Variants in PGM3 observed in about 807,000 individuals in gnomAD.
PGM3 encodes the protein phosphoacetylglucosamine mutase.
PGM3 carries 40 observed loss-of-function variants against 66.2 expected under a neutral mutation model. That is an observed-to-expected ratio of 0.60 (90% CI 0.47 to 0.79). The LOEUF (loss-of-function observed/expected upper bound fraction) is 0.79. PGM3 is among the 30% of genes least tolerant of loss of function. PGM3 has a pLI of 0.00. For synonymous variants in PGM3, 191 were observed against 224.2 expected (o/e 0.85, Z 1.32); for missense variants, 537 against 643.4 (o/e 0.83, Z 1.79).
intron 3 of PGM3, among the ~76,000 whole-genome samples, chr6:83,187,312 A>G (rs896429578): frequency 1.2e-4 from 18 of 152,228 alleles, no homozygotes; most frequent in African/African-American, 4.3e-4. Context: ...TAAAATAGAT[A>G]TAAAGGACAC....
chr6:83,171,345 A>G (rs1787070837), intron 11 of PGM3: 1 of 152,166 alleles, frequency 6.6e-6, no homozygotes, highest in Non-Finnish European at 1.5e-5. Flanking sequence ...AAATCTCTTT[A>G]AAAAAGTGAT....
intron 2 of PGM3, 148 bp from the exon 3 acceptor site, chr6:83,188,946 GATTAGGTA>G: frequency 1.7e-6 from 1 of 596,454 alleles, no homozygotes. Flanking sequence ...CTGGACCCTG[GATTAGGTA>G]TTTTATGTAT....
chr6:83,163,352 A>G (rs481325), downstream of PGM3, among the ~76,000 whole-genome samples: 52,599 of 151,968 alleles, frequency 0.35, 10,571 homozygotes, highest in African/African-American at 0.56. Flanking sequence ...TGAAAAAAAT[A>G]CAGTACAAAA....
At position 83,168,017 on chromosome 6, in the gene PGM3, A is replaced by G; in HGVS notation, c.*1217T>C. The G allele has an allele frequency of 6.2e-7, 1 of 1,614,166 alleles. No individual in the cohort carries two copies. ...ACAGCAAAGTCACAAGCCGATGTGG[A>G]GGACACTCAGGGAGTCCTATCCTCT... On this transcript the variant is annotated 3_prime_UTR_variant, in exon 13 of 13. Coordinates refer to ENST00000513973, the MANE Select transcript of PGM3 (RefSeq NM_015599.3).
At chr6:83,192,135 GC>G (rs1180625809) in intron 1 of PGM3, among the ~76,000 whole-genome samples, 43 of 151,454 alleles carry the variant, frequency 2.8e-4, no homozygotes, top group African/African-American at 1.0e-3. Flanking sequence ...GCGTGGTGGT[GC>G]GCGCCTGTAG....
intron 12 of PGM3, 49 bp downstream of exon 12, chr6:83,170,256 C>G (rs374101514): frequency 4.3e-5 from 67 of 1,543,418 alleles, no homozygotes; most frequent in Non-Finnish European, 5.7e-5. Flanking sequence ...AGTTTGCCTG[C>G]CCATCACCTA....
At chr6:83,172,085 A>G in intron 10 of PGM3, 26 bp from the exon 11 acceptor site, 1 of 1,612,488 alleles carries the variant, frequency 6.2e-7, no homozygotes, top group Non-Finnish European at 8.5e-7. Context: ...CAAATGGAAG[A>G]AACCACTTAA....
chr6:83,159,447 T>A (rs922727369), downstream of PGM3, among the ~76,000 whole-genome samples: 1 of 151,804 alleles, frequency 6.6e-6, no homozygotes. Flanking sequence ...CTAGTGTTTT[T>A]TTTTTTTGTC....
chr6:83,183,178 T>G (rs1788322901), intron 4 of PGM3, among the ~76,000 whole-genome samples, 200 bp from the exon 5 acceptor site: 1 of 152,078 alleles, frequency 6.6e-6, no homozygotes, highest in African/African-American at 2.4e-5. Flanking sequence ...TATAAACAGG[T>G]AACAATGTAA....
chr6:83,168,975 G>C lies in PGM3; in HGVS notation c.*259C>G. The C allele has an allele frequency of 8.1e-7, 1 of 1,234,514 alleles. No individual in the cohort carries two copies. The highest frequency in any genetic ancestry group is 3.6e-5 in the East Asian group (1 of 27,826). 76.5% of individuals were successfully genotyped at this position (1,234,514 alleles called of 1,614,324 possible). A position where few individuals can be genotyped will look rare whatever the true frequency, so the allele number is the denominator to read the frequency against. ...TTCCCCACATAAAACTGTACAGTTA[G>C]TGACTGAATTGTATACTTAAGTCCC... On this transcript the variant is annotated 3_prime_UTR_variant, in exon 13 of 13. Transcript: ENST00000513973.
chr6:83,162,773 CATT>C, downstream of PGM3: 1 of 1,596,704 alleles, frequency 6.3e-7, no homozygotes, highest in Non-Finnish European at 8.5e-7. Context: ...ATGCTGATGT[CATT>C]ATTCTATACA....
chr6:83,184,833 C>T (rs1333554499), intron 4 of PGM3, among the ~76,000 whole-genome samples: 2 of 152,126 alleles, frequency 1.3e-5, no homozygotes, highest in East Asian at 3.9e-4. Flanking sequence ...TCAATGGAGT[C>T]CCATTGCATC....
chr6:83,185,810 T>C (rs1788540568), intron 4 of PGM3, among the ~76,000 whole-genome samples: 1 of 151,854 alleles, frequency 6.6e-6, no homozygotes, highest in African/African-American at 2.4e-5. Flanking sequence ...TGAAAAAAGG[T>C]AGCTCAAGCT....
chr6:83,186,927 T>C, intron 4 of PGM3, 81 bp downstream of exon 4: 1 of 762,774 alleles, frequency 1.3e-6, no homozygotes, highest in Non-Finnish European at 2.1e-6. Context: ...TTTCAAACTT[T>C]TCTAAATAAA....
chr6:83,188,898 G>A, intron 2 of PGM3, 100 bp from the exon 3 acceptor site: 1 of 875,360 alleles, frequency 1.1e-6, no homozygotes, highest in South Asian at 1.6e-5. Flanking sequence ...AGACAGTGAT[G>A]GCTGAGCAGC....
At chr6:83,177,078 GCTTCT>G (rs1248599075) in intron 8 of PGM3, among the ~76,000 whole-genome samples, 1 of 152,080 alleles carries the variant, frequency 6.6e-6, no homozygotes, top group Non-Finnish European at 1.5e-5. Flanking sequence ...CAGATTTCCT[GCTTCT>G]CTTGAAGAGT....
chr6:83,151,204 G>A, the PGM3 span, among the ~76,000 whole-genome samples: 2 of 152,282 alleles, frequency 1.3e-5, no homozygotes, highest in East Asian at 1.9e-4. Context: ...CCAGGCCAGA[G>A]TGCAGTGGTT....
chr6:83,157,062 TG>T, downstream of PGM3: 1 of 924,074 alleles, frequency 1.1e-6, no homozygotes, highest in Non-Finnish European at 1.6e-6. Flanking sequence ...ACAACAGTTT[TG>T]AATTTTTTTA....
Position 83,166,046 on chromosome 6 carries a change from C to A in PGM3, c.*3188G>T. The A allele has an allele frequency of 7.2e-6, 2 of 278,948 alleles. No individual in the cohort carries two copies. Among genetic ancestry groups the A allele is most frequent in the South Asian group, 1.3e-4 (2 of 15,716 alleles). 17.3% of individuals were successfully genotyped at this position (278,948 alleles called of 1,614,324 possible). A position where few individuals can be genotyped will look rare whatever the true frequency, so the allele number is the denominator to read the frequency against. On this transcript the variant is annotated 3_prime_UTR_variant, in exon 13 of 13. Coordinates refer to ENST00000513973, the MANE Select transcript of PGM3 (RefSeq NM_015599.3). ...CACTGAGCTGGTCATCGCCAGTTGT[C>A]GTATAAAATCCACCTTTTGGCACAC...
Sources: allele counts gnomAD v4.1 joint callset (sites outside exome capture counted in the v4.1 genomes callset), GRCh38; gene constraint gnomAD v4.1.1; transcripts MANE v1.5; gene names NCBI Gene and HGNC (gene_info 2026-07-23, HGNC 2026-07-21).